Variants in SCRN3 observed in about 807,000 individuals in gnomAD.
SCRN3 encodes the protein secernin-3.
In SCRN3, 39 loss-of-function variants were observed where a neutral mutation model predicts 43.1. The ratio of observed to expected loss-of-function variants is 0.91; its 90% CI spans 0.70 to 1.18. The LOEUF is 1.18. Among genes scored for constraint, SCRN3 ranks in the 50% most tolerant of loss-of-function variants. The pLI, the probability that SCRN3 is intolerant of heterozygous loss-of-function variation, is 0.00. For synonymous variants in SCRN3, 147 were observed against 163.1 expected (o/e 0.90, Z 0.75); for missense variants, 484 against 498.0 (o/e 0.97, Z 0.27).
Position 174,398,443 on chromosome 2 carries a change from G to A in SCRN3, c.159+1G>A. ...TGATAACCTGGGAGAACGTCTTAAG[G>A]TAGGTGAAATAAATGTTTTGTTAGC... On this transcript the variant is annotated splice_donor_variant, in intron 2 of 7. Transcript: ENST00000272732. LOFTEE classifies it high-confidence loss of function. 12 of 1,587,526 alleles carry A rather than the reference G, an allele frequency of 7.6e-6. No homozygotes were observed. The highest frequency in any genetic ancestry group is 1.0e-5 in the Non-Finnish European group (12 of 1,171,978).
chr2:174,428,588 A>G lies in SCRN3; in HGVS notation c.*693A>G, dbSNP rs533339227. ...TTGGGAGATTAGAGAATAAGATAAAAGAACCAAAACCTTAGGATATACTGT... is the reference window on the plus strand; with the variant it reads ...TTGGGAGATTAGAGAATAAGATAAAGGAACCAAAACCTTAGGATATACTGT... On this transcript the variant is annotated 3_prime_UTR_variant, in exon 8 of 8. Transcript: ENST00000272732. 3 of 152,184 alleles carry G rather than the reference A, an allele frequency of 2.0e-5. No homozygotes were observed. The highest frequency in any genetic ancestry group is 4.4e-5 in the Non-Finnish European group (3 of 68,022). 9.4% of individuals were successfully genotyped at this position (152,184 alleles called of 1,614,324 possible).
At chr2:174,397,714 G>A (rs12618374) in intron 1 of SCRN3, among the ~76,000 whole-genome samples, 29,630 of 152,000 alleles carry the variant, frequency 0.19, 3,381 homozygotes, top group Middle Eastern at 0.37. Context: ...TCCAGTAAAG[G>A]GATTTATATA....
intron 6 of SCRN3, among the ~76,000 whole-genome samples, chr2:174,423,508 C>T (rs1387287982): frequency 6.6e-6 from 1 of 152,152 alleles, no homozygotes; most frequent in Non-Finnish European, 1.5e-5. Context: ...CTCGCTCTGT[C>T]ACCCAGGTTG....
chr2:174,424,039 C>T (rs895099973), intron 6 of SCRN3, among the ~76,000 whole-genome samples: 1 of 152,042 alleles, frequency 6.6e-6, no homozygotes, highest in African/African-American at 2.4e-5. Context: ...GATTCTCCCA[C>T]CTTGACCTCT....
At chr2:174,412,067 A>G (rs1170807539) in intron 5 of SCRN3, among the ~76,000 whole-genome samples, 1 of 152,182 alleles carries the variant, frequency 6.6e-6, no homozygotes, top group African/African-American at 2.4e-5. Flanking sequence ...ATCTGGAAAG[A>G]ATGCATGGAA....
intron 1 of SCRN3, among the ~76,000 whole-genome samples, chr2:174,397,922 A>C (rs1685377994): frequency 6.6e-6 from 1 of 152,182 alleles, no homozygotes; most frequent in South Asian, 2.1e-4. Flanking sequence ...ATTGAGTCCC[A>C]AGTCATATTC....
chr2:174,420,940 A>G (rs938190126), intron 5 of SCRN3, among the ~76,000 whole-genome samples: 1 of 152,188 alleles, frequency 6.6e-6, no homozygotes, highest in Non-Finnish European at 1.5e-5. Flanking sequence ...CCCCAAACTG[A>G]TAAAAGTCAT....
intron 5 of SCRN3, among the ~76,000 whole-genome samples, chr2:174,414,751 T>A (rs1412051786): frequency 1.4e-5 from 2 of 147,186 alleles, no homozygotes; most frequent in African/African-American, 4.9e-5. Context: ...CATGACTATT[T>A]TCTTTTCTAT....
intron 4 of SCRN3, among the ~76,000 whole-genome samples, chr2:174,401,785 A>G (rs921314956): frequency 2.6e-5 from 4 of 152,258 alleles, no homozygotes; most frequent in Non-Finnish European, 4.4e-5. Flanking sequence ...TGAAAGACCT[A>G]GAATTTAAAT....
intron 5 of SCRN3, among the ~76,000 whole-genome samples, chr2:174,411,679 T>C (rs551616703): frequency 6.6e-6 from 1 of 152,202 alleles, no homozygotes; most frequent in Non-Finnish European, 1.5e-5. Flanking sequence ...CCCAGCACTT[T>C]GGAAGGCCAA....
At chr2:174,404,413 T>A in intron 5 of SCRN3, 98 bp downstream of exon 5, 2 of 763,468 alleles carry the variant, frequency 2.6e-6, no homozygotes, top group Non-Finnish European at 4.0e-6. Flanking sequence ...TTATAATTAG[T>A]AAAAATATTG....
At chr2:174,397,738 T>C (rs1279923017) in intron 1 of SCRN3, among the ~76,000 whole-genome samples, 1 of 152,178 alleles carries the variant, frequency 6.6e-6, no homozygotes, top group Non-Finnish European at 1.5e-5. Context: ...ACGAATGTAA[T>C]GGAATCTAGC....
In SCRN3 at chr2:174,415,297, T is replaced by C. The variant is rs28609432; in HGVS notation, c.755-7588T>C. On this transcript the variant is annotated intron_variant, in intron 5 of 7. Transcript: ENST00000272732. ...TAAATTTTGTAGGCAAAATGGCATG[T>C]AAATATATACACCTACTATGTACCC... is the stretch of plus-strand genomic sequence containing the variant. Among the ~76,000 whole-genome samples the C allele has an allele frequency of 3.8e-3, 577 of 152,256 alleles. 3 individuals carry two copies. Among genetic ancestry groups the C allele is most frequent in the African/African-American group, 0.013 (542 of 41,546 alleles).
chr2:174,398,489 C>T (rs529014506), intron 2 of SCRN3, 47 bp downstream of exon 2: 2 of 1,503,704 alleles, frequency 1.3e-6, no homozygotes, highest in Non-Finnish European at 1.8e-6. Flanking sequence ...TTAAAAATAT[C>T]ATAAAGTTAT....
chr2:174,419,860 G>A (rs1451303454), intron 5 of SCRN3, among the ~76,000 whole-genome samples: 5 of 152,156 alleles, frequency 3.3e-5, no homozygotes, highest in South Asian at 2.1e-4. Context: ...AAAAAGCACA[G>A]GGCTGGTTAT....
At chr2:174,414,510 A>G (rs561304029) in intron 5 of SCRN3, among the ~76,000 whole-genome samples, 2 of 152,284 alleles carry the variant, frequency 1.3e-5, no homozygotes, top group Admixed American at 6.5e-5. Flanking sequence ...TTAGCAATAT[A>G]TGATGTAGAT....
intron 5 of SCRN3, among the ~76,000 whole-genome samples, chr2:174,416,062 C>T (rs1224453617): frequency 6.6e-6 from 1 of 152,034 alleles, no homozygotes; most frequent in East Asian, 1.9e-4. Flanking sequence ...GAGGGTGTGG[C>T]CAAAACATTA....
downstream of SCRN3, among the ~76,000 whole-genome samples, chr2:174,430,071 A>C (rs1407824195): frequency 6.6e-6 from 1 of 152,222 alleles, no homozygotes; most frequent in Non-Finnish European, 1.5e-5. Context: ...GTAGACATCC[A>C]TGTGAAGGTT....
intron 6 of SCRN3, 84 bp from the exon 7 acceptor site, chr2:174,424,391 T>C (rs1253159700): frequency 3.0e-6 from 3 of 989,150 alleles, no homozygotes; most frequent in Non-Finnish European, 4.4e-6. Flanking sequence ...AAACTTCTAA[T>C]TGAGAGAATC....
Sources: allele counts gnomAD v4.1 joint callset (sites outside exome capture counted in the v4.1 genomes callset), GRCh38; gene constraint gnomAD v4.1.1; transcripts MANE v1.5; gene names NCBI Gene and HGNC (gene_info 2026-07-23, HGNC 2026-07-21).